Variants in ASPH observed in about 807,000 individuals in gnomAD.
ASPH encodes aspartate beta-hydroxylase.
A neutral mutation model predicts 118.4 loss-of-function variants in ASPH; 100 were observed. The observed-to-expected ratio is 0.84, with a 90% CI of 0.72 to 1.00. The LOEUF (loss-of-function observed/expected upper bound fraction) is 1.00. Ranked by LOEUF, ASPH falls within the 50% of genes least tolerant of loss-of-function variation. The pLI is 0.00. For missense variants in ASPH, 920 were observed against 919.5 expected (o/e 1.00, Z -0.01); for synonymous variants, 315 against 325.6 (o/e 0.97, Z 0.35).
chr8:61,545,536 TAGAA>T (rs1409479075), intron 21 of ASPH, among the ~76,000 whole-genome samples: 1 of 152,184 alleles, frequency 6.6e-6, no homozygotes, highest in African/African-American at 2.4e-5. Flanking sequence ...GAACATAGAA[TAGAA>T]AGAGTGAGAA....
intron 1 of ASPH, among the ~76,000 whole-genome samples, chr8:61,703,897 T>A (rs1033470678): frequency 1.3e-5 from 2 of 152,082 alleles, no homozygotes; most frequent in Admixed American, 6.5e-5. Flanking sequence ...TAATCAAGAT[T>A]CTGTGATAAA....
At chr8:61,639,923 TC>T (rs924938563) in intron 10 of ASPH, among the ~76,000 whole-genome samples, 13 of 152,048 alleles carry the variant, frequency 8.5e-5, no homozygotes, top group Admixed American at 7.2e-4. Context: ...CCTTGTTGTC[TC>T]CCCCCAGCTA....
chr8:61,691,089 A>G (rs1563621976), intron 1 of ASPH, among the ~76,000 whole-genome samples: 1 of 152,124 alleles, frequency 6.6e-6, no homozygotes, highest in African/African-American at 2.4e-5. Context: ...GGAACAAAAC[A>G]CTAAATTATA....
intron 1 of ASPH, among the ~76,000 whole-genome samples, chr8:61,708,755 T>C (rs1300661990): frequency 6.6e-6 from 1 of 152,106 alleles, no homozygotes; most frequent in Non-Finnish European, 1.5e-5. Flanking sequence ...ACAGGATGAG[T>C]CACTGGGTTC....
intron 21 of ASPH, among the ~76,000 whole-genome samples, chr8:61,535,989 T>A (rs1368245114): frequency 6.6e-6 from 1 of 151,764 alleles, no homozygotes; most frequent in African/African-American, 2.4e-5. Context: ...TTTGATTAGA[T>A]CTCCTTGTTT....
At chr8:61,560,340 G>A (rs1829381926) in intron 18 of ASPH, among the ~76,000 whole-genome samples, 1 of 152,140 alleles carries the variant, frequency 6.6e-6, no homozygotes, top group South Asian at 2.1e-4. Context: ...TTTAAAGCCA[G>A]TTTCTTTGTT....
chr8:61,663,748 G>A (rs2151317531), intron 3 of ASPH: 1 of 969,680 alleles, frequency 1.0e-6, no homozygotes, highest in Non-Finnish European at 1.2e-6. Context: ...GGATTATATT[G>A]GAGATATTAG....
At chr8:61,682,367 A>C in intron 2 of ASPH, 1 of 1,452,802 alleles carries the variant, frequency 6.9e-7, no homozygotes, top group Non-Finnish European at 9.6e-7. Context: ...GATAATAATT[A>C]AATTAGTAGA....
At chr8:61,679,422 T>A (rs1826849645) in intron 3 of ASPH, among the ~76,000 whole-genome samples, 1 of 152,080 alleles carries the variant, frequency 6.6e-6, no homozygotes, top group Admixed American at 6.6e-5. Context: ...GGGGATGACC[T>A]TTTGAAATCT....
At chr8:61,654,598 C>T (rs747634796) in intron 3 of ASPH, among the ~76,000 whole-genome samples, 20 of 152,098 alleles carry the variant, frequency 1.3e-4, no homozygotes, top group African/African-American at 1.7e-4. Context: ...ATTTTCATTT[C>T]GATGTATTAC....
rs78416858 is a variant in ASPH, at chr8:61,586,126, T to C, written c.977-2097A>G. The stretch of plus-strand genomic sequence containing the variant: ...AGATGATCCCTTTCCTTGACTTTTA[T>C]GTTGCCCACTCTCCCAGTGTTCTTC... On this transcript the variant is annotated intron_variant, in intron 14 of 24. Transcript: ENST00000379454. 7.1e-3 allele frequency among the ~76,000 whole-genome samples: 1,082 copies of C among 152,322 alleles called. 19 individuals carry two copies. The highest frequency in any genetic ancestry group is 0.025 in the African/African-American group (1,027 of 41,578).
At chr8:61,643,028 C>CGTA in intron 9 of ASPH, 108 bp from the exon 10 acceptor site, 1 of 979,442 alleles carries the variant, frequency 1.0e-6, no homozygotes, top group South Asian at 1.9e-5. Context: ...GAACTCTACT[C>CGTA]CTTCAAATAT....
intron 2 of ASPH, among the ~76,000 whole-genome samples, chr8:61,682,704 A>G (rs1828722850): frequency 6.6e-6 from 1 of 152,176 alleles, no homozygotes; most frequent in African/African-American, 2.4e-5. Context: ...AAAAACTTCA[A>G]TGAAAGACAG....
chr8:61,550,005 A>G (rs1825322894), intron 20 of ASPH, among the ~76,000 whole-genome samples: 1 of 152,168 alleles, frequency 6.6e-6, no homozygotes, highest in Admixed American at 6.5e-5. Flanking sequence ...CTGACACTCA[A>G]AGTAAGTAAT....
At chr8:61,526,345 GA>G (rs1210396683) in intron 21 of ASPH, among the ~76,000 whole-genome samples, 1 of 152,044 alleles carries the variant, frequency 6.6e-6, no homozygotes, top group Non-Finnish European at 1.5e-5. Flanking sequence ...ATAACTCCTA[GA>G]AACTTCACAG....
At chr8:61,638,062 C>T in intron 11 of ASPH, 59 bp from the exon 12 acceptor site, 2 of 1,484,212 alleles carry the variant, frequency 1.3e-6, no homozygotes, top group Middle Eastern at 3.5e-4. Context: ...ACACATCTTA[C>T]ATTCACTCGC....
At chr8:61,660,432 A>G (rs1260258415) in intron 3 of ASPH, 1 of 152,182 alleles carries the variant, frequency 6.6e-6, no homozygotes, top group Admixed American at 6.6e-5. Flanking sequence ...CCAACAGTTT[A>G]AAAGTGGGCA....
At chr8:61,555,863 T>C (rs1827693215) in intron 19 of ASPH, 61 bp downstream of exon 19, 31 of 1,412,378 alleles carry the variant, frequency 2.2e-5, no homozygotes, top group Non-Finnish European at 2.8e-5. Context: ...AATAAGCAAG[T>C]GTGTCCCAAT....
intron 3 of ASPH, 98 bp from the exon 4 acceptor site, chr8:61,653,758 T>TA: frequency 8.4e-7 from 1 of 1,184,366 alleles, no homozygotes; most frequent in Non-Finnish European, 1.2e-6. Context: ...TAATTAATAG[T>TA]GCTGCTAATT....
Sources: allele counts gnomAD v4.1 joint callset (sites outside exome capture counted in the v4.1 genomes callset), GRCh38; gene constraint gnomAD v4.1.1; transcripts MANE v1.5; gene names NCBI Gene and HGNC (gene_info 2026-07-23, HGNC 2026-07-21).